C12orf42: variants seen among roughly 807,000 people sequenced by gnomAD.
C12orf42 encodes the protein uncharacterized protein C12orf42.
Under a neutral mutation model 21.6 loss-of-function variants are expected in C12orf42, and 25 were observed. The observed-to-expected ratio is 1.16, with a 90% CI of 0.84 to 1.62. The LOEUF (loss-of-function observed/expected upper bound fraction) is 1.62. C12orf42 is among the 40% of genes most tolerant of loss of function. The probability of loss-of-function intolerance (pLI) is 0.00; values close to 1 mark genes in which losing one functional copy is unlikely to be tolerated. For synonymous variants in C12orf42, 174 were observed against 175.0 expected (o/e 0.99, Z 0.05); for missense variants, 483 against 459.3 (o/e 1.05, Z -0.47).
chr12:103,189,986 C>T, the C12orf42 span, among the ~76,000 whole-genome samples: 102 of 120,014 alleles, frequency 8.5e-4, 1 homozygote, highest in Middle Eastern at 5.1e-3. Flanking sequence ...TATATATATA[C>T]ACACACACAC....
intron 2 of C12orf42, among the ~76,000 whole-genome samples, chr12:103,444,278 C>G (rs970419122): frequency 6.6e-6 from 1 of 152,002 alleles, no homozygotes; most frequent in Non-Finnish European, 1.5e-5. Context: ...CTGAGCCCCA[C>G]GTGGGATTCA....
At chr12:103,181,565 T>C in the C12orf42 span, among the ~76,000 whole-genome samples, 3 of 152,208 alleles carry the variant, frequency 2.0e-5, no homozygotes, top group Non-Finnish European at 4.4e-5. Flanking sequence ...CAGTAGCCTG[T>C]GTAAGCTGAA....
At chr12:103,242,240 C>T (rs2033783476) in intron 10 of C12orf42, among the ~76,000 whole-genome samples, 1 of 152,112 alleles carries the variant, frequency 6.6e-6, no homozygotes, top group African/African-American at 2.4e-5. Context: ...TGAGATCCAC[C>T]TGTTGTAAGA....
intron 2 of C12orf42, among the ~76,000 whole-genome samples, chr12:103,469,170 C>T (rs1565878747): frequency 6.6e-6 from 1 of 152,202 alleles, no homozygotes; most frequent in Non-Finnish European, 1.5e-5. Flanking sequence ...GAGCAGGGAG[C>T]TTGGGAAGGG....
chr12:103,091,268 C>A, the C12orf42 span, among the ~76,000 whole-genome samples: 1 of 152,084 alleles, frequency 6.6e-6, no homozygotes, highest in South Asian at 2.1e-4. Context: ...CAGCTATAGG[C>A]AGGCAGCCGC....
chr12:103,179,274 G>A, the C12orf42 span, among the ~76,000 whole-genome samples: 1 of 152,200 alleles, frequency 6.6e-6, no homozygotes, highest in African/African-American at 2.4e-5. Flanking sequence ...TTTTGTGGGA[G>A]ACAGACATGT....
chr12:103,345,689 T>G (rs933912352), intron 4 of C12orf42, among the ~76,000 whole-genome samples: 1 of 152,034 alleles, frequency 6.6e-6, no homozygotes, highest in Non-Finnish European at 1.5e-5. Flanking sequence ...AAAGGAAAAA[T>G]AAATAAATAA....
At chr12:103,563,635 G>A in the C12orf42 span, among the ~76,000 whole-genome samples, 5,973 of 152,202 alleles carry the variant, frequency 0.039, 181 homozygotes, top group East Asian at 0.13. Context: ...TGAGACTATT[G>A]GGGTGACTCA....
chr12:103,050,145 A>G, the C12orf42 span, among the ~76,000 whole-genome samples: 1 of 152,116 alleles, frequency 6.6e-6, no homozygotes, highest in Non-Finnish European at 1.5e-5. Context: ...TAAGCAAAAC[A>G]ATGACTACCA....
intron 5 of C12orf42, 25 bp from the exon 6 acceptor site, chr12:103,302,584 G>A (rs2037816512): frequency 1.3e-6 from 2 of 1,578,752 alleles, no homozygotes; most frequent in African/African-American, 1.4e-5. Flanking sequence ...AGGAAAGCAG[G>A]ACAGAGATGA....
chr12:103,297,558 T>C (rs1442958384), downstream of C12orf42, among the ~76,000 whole-genome samples: 2 of 152,162 alleles, frequency 1.3e-5, no homozygotes, highest in Non-Finnish European at 2.9e-5. Flanking sequence ...CTTCTGAAAC[T>C]ATTCCAATCA....
chr12:103,182,106 C>T, the C12orf42 span, among the ~76,000 whole-genome samples: 183 of 152,210 alleles, frequency 1.2e-3, 1 homozygote, highest in Admixed American at 6.5e-3. Context: ...GAGAATTACA[C>T]GGCTGGTCTT....
At chr12:103,083,783 G>A in the C12orf42 span, among the ~76,000 whole-genome samples, 3 of 152,148 alleles carry the variant, frequency 2.0e-5, no homozygotes, top group Non-Finnish European at 4.4e-5. Context: ...TATAAACAAT[G>A]AAGTATGCAA....
the C12orf42 span, among the ~76,000 whole-genome samples, chr12:103,513,310 C>T: frequency 6.6e-6 from 1 of 151,924 alleles, no homozygotes; most frequent in African/African-American, 2.4e-5. Flanking sequence ...GCCATTTTTG[C>T]CATAATATGG....
chr12:103,545,268 G>A, the C12orf42 span, among the ~76,000 whole-genome samples: 6 of 152,170 alleles, frequency 3.9e-5, no homozygotes, highest in Admixed American at 6.6e-5. Flanking sequence ...ACTCTAGCAC[G>A]CATTCCAAGT....
intron 2 of C12orf42, among the ~76,000 whole-genome samples, chr12:103,446,503 C>T (rs555374327): frequency 6.6e-6 from 1 of 152,110 alleles, no homozygotes; most frequent in East Asian, 1.9e-4. Context: ...AATAGTACCT[C>T]ACATCTCAAT....
intron 4 of C12orf42, among the ~76,000 whole-genome samples, chr12:103,278,636 C>T (rs945729496): frequency 2.6e-5 from 4 of 152,222 alleles, no homozygotes; most frequent in African/African-American, 7.2e-5. Flanking sequence ...TATGTGCTGA[C>T]GTGAAACAGC....
intron 10 of C12orf42, among the ~76,000 whole-genome samples, chr12:103,244,217 C>G (rs2033900907): frequency 1.3e-5 from 2 of 152,044 alleles, no homozygotes; most frequent in Non-Finnish European, 2.9e-5. Context: ...GATCCTAATC[C>G]CTGGCCTGCT....
intron 2 of C12orf42, among the ~76,000 whole-genome samples, chr12:103,409,272 A>G (rs186304445): frequency 2.0e-5 from 3 of 152,294 alleles, no homozygotes; most frequent in Admixed American, 1.3e-4. Flanking sequence ...TTCTTCCCCA[A>G]AAAACTGCAC....
Sources: allele counts gnomAD v4.1 joint callset (sites outside exome capture counted in the v4.1 genomes callset), GRCh38; gene constraint gnomAD v4.1.1; transcripts MANE v1.5; gene names NCBI Gene and HGNC (gene_info 2026-07-23, HGNC 2026-07-21).